MBNL1: variants seen among roughly 807,000 people sequenced by gnomAD.
MBNL1 encodes the protein muscleblind like splicing regulator 1, also known as muscleblind-like protein 1.
A neutral mutation model predicts 42.2 loss-of-function variants in MBNL1; 8 were observed. That is an observed-to-expected ratio of 0.19 (90% CI 0.11 to 0.34). The LOEUF (loss-of-function observed/expected upper bound fraction) is 0.34, where lower values mean the gene tolerates loss of function less well. Among genes scored for constraint, MBNL1 ranks in the 10% least tolerant of loss-of-function variants. The pLI is 1.00. For synonymous variants in MBNL1, 169 were observed against 173.9 expected (o/e 0.97, Z 0.22); for missense variants, 309 against 495.3 (o/e 0.62, Z 3.57).
intron 6 of MBNL1, among the ~76,000 whole-genome samples, chr3:152,448,171 G>T (rs899267005): frequency 3.3e-5 from 5 of 152,028 alleles, no homozygotes; most frequent in Admixed American, 3.3e-4. Flanking sequence ...TTTCAGTTTT[G>T]ATTTTTATTT....
chr3:152,373,341 G>GAAA (rs35536807), intron 2 of MBNL1, among the ~76,000 whole-genome samples: 1 of 90,524 alleles, frequency 1.1e-5, no homozygotes. Flanking sequence ...CTGGGGTATG[G>GAAA]AAAAAAAAAA....
At chr3:152,354,385 G>A (rs775452707) in intron 2 of MBNL1, among the ~76,000 whole-genome samples, 3 of 152,142 alleles carry the variant, frequency 2.0e-5, no homozygotes, top group Admixed American at 6.5e-5. Flanking sequence ...ATGCCATGAG[G>A]TGGAGGCTGC....
intron 2 of MBNL1, chr3:152,339,847 A>ATTTC (rs2092650516): frequency 6.6e-6 from 1 of 152,142 alleles, no homozygotes; most frequent in Non-Finnish European, 1.5e-5. Flanking sequence ...CATTTAACAT[A>ATTTC]ATTTCAGAGT....
intron 2 of MBNL1, among the ~76,000 whole-genome samples, chr3:152,344,265 A>C (rs1427016103): frequency 6.6e-6 from 1 of 152,194 alleles, no homozygotes. Flanking sequence ...CACAAAGCAC[A>C]AACTCATACT....
intron 2 of MBNL1, among the ~76,000 whole-genome samples, chr3:152,378,868 C>T (rs1040135754): frequency 6.6e-6 from 1 of 152,072 alleles, no homozygotes. Context: ...AGGCACATGC[C>T]ACCATGCCTG....
intron 2 of MBNL1, among the ~76,000 whole-genome samples, chr3:152,247,197 A>G (rs1463754414): frequency 1.3e-5 from 2 of 152,140 alleles, no homozygotes; most frequent in Non-Finnish European, 2.9e-5. Context: ...CCTGTTATTG[A>G]AAAACAAAAA....
intron 2 of MBNL1, among the ~76,000 whole-genome samples, chr3:152,315,223 C>T (rs1301382594): frequency 6.6e-6 from 1 of 152,082 alleles, no homozygotes; most frequent in Non-Finnish European, 1.5e-5. Flanking sequence ...AAAATGGTGC[C>T]GTAAGGCTTT....
chr3:152,261,692 G>A (rs2036307805), intron 2 of MBNL1, among the ~76,000 whole-genome samples: 1 of 152,148 alleles, frequency 6.6e-6, no homozygotes, highest in Admixed American at 6.5e-5. Context: ...AAAGAAACCT[G>A]ACATGTAGTA....
At chr3:152,458,466 G>T in intron 8 of MBNL1, 1 of 397,792 alleles carries the variant, frequency 2.5e-6, no homozygotes, top group East Asian at 5.1e-5. Context: ...TAAGCATAGA[G>T]TAATGAGTTG....
chr3:152,367,026 C>T (rs139530655), intron 2 of MBNL1, among the ~76,000 whole-genome samples: 14 of 152,100 alleles, frequency 9.2e-5, no homozygotes, highest in East Asian at 7.7e-4. Context: ...ATACATTAGA[C>T]GTAGTTTACA....
chr3:152,421,137 G>A (rs2098798462), intron 3 of MBNL1, among the ~76,000 whole-genome samples: 2 of 152,188 alleles, frequency 1.3e-5, no homozygotes, highest in Non-Finnish European at 1.5e-5. Context: ...CCAAACCTAC[G>A]TTTGATTGGT....
chr3:152,444,749 C>T (rs145556987), intron 4 of MBNL1, among the ~76,000 whole-genome samples: 26 of 152,328 alleles, frequency 1.7e-4, no homozygotes, highest in African/African-American at 6.3e-4. Context: ...ATATCTCAGT[C>T]TGTCTTGCAT....
chr3:152,343,804 T>C (rs2093763173), intron 2 of MBNL1, among the ~76,000 whole-genome samples: 1 of 152,134 alleles, frequency 6.6e-6, no homozygotes. Context: ...ATTTAAAGAA[T>C]TGAAAGCCAT....
intron 3 of MBNL1, among the ~76,000 whole-genome samples, chr3:152,421,259 G>A (rs1261684096): frequency 1.3e-5 from 2 of 152,110 alleles, no homozygotes; most frequent in Non-Finnish European, 2.9e-5. Context: ...CACTGAGCTA[G>A]CTGCAGGAGA....
At position 152,463,075 on chromosome 3, in the gene MBNL1, T is replaced by G. The variant is rs1166825307; in HGVS notation, c.*709T>G. On this transcript the variant is annotated 3_prime_UTR_variant, in exon 10 of 10. Coordinates refer to ENST00000324210, the MANE Select transcript of MBNL1 (RefSeq NM_021038.5). ...AATTAGAGTATTATTTCTTCAGTGT[T>G]ATTGTTTTCAGAGCCACATTTTGTT... is the stretch of plus-strand genomic sequence containing the variant. 6.6e-6 allele frequency: 1 copy of G among 152,184 alleles called. No individual in the cohort carries two copies. The highest frequency in any genetic ancestry group is 1.5e-5 in the Non-Finnish European group (1 of 67,888). The allele number at this position is 152,184 out of a possible 1,614,324, so 9.4% of individuals were successfully genotyped here. A position where few individuals can be genotyped will look rare whatever the true frequency, so the allele number is the denominator to read the frequency against.
intron 2 of MBNL1, among the ~76,000 whole-genome samples, chr3:152,345,999 A>G (rs1168569701): frequency 1.3e-5 from 2 of 152,094 alleles, no homozygotes; most frequent in Admixed American, 6.6e-5. Flanking sequence ...TGTATCCAGC[A>G]GAAGTGGTTA....
At chr3:152,400,868 T>C (rs2098186000) in intron 2 of MBNL1, among the ~76,000 whole-genome samples, 1 of 152,020 alleles carries the variant, frequency 6.6e-6, no homozygotes, top group South Asian at 2.1e-4. Flanking sequence ...AAAAACAGAG[T>C]TTAAAAAAAC....
At chr3:152,348,632 G>A (rs898211111) in intron 2 of MBNL1, among the ~76,000 whole-genome samples, 1 of 152,028 alleles carries the variant, frequency 6.6e-6, no homozygotes, top group South Asian at 2.1e-4. Context: ...AGGGCAGTTA[G>A]TACTATCCTA....
intron 2 of MBNL1, among the ~76,000 whole-genome samples, chr3:152,329,378 A>T (rs1010442979): frequency 6.6e-6 from 1 of 152,082 alleles, no homozygotes; most frequent in Non-Finnish European, 1.5e-5. Context: ...AATCAAGAAA[A>T]TACATTTCTG....
Sources: allele counts gnomAD v4.1 joint callset (sites outside exome capture counted in the v4.1 genomes callset), GRCh38; gene constraint gnomAD v4.1.1; transcripts MANE v1.5; gene names NCBI Gene and HGNC (gene_info 2026-07-23, HGNC 2026-07-21).